The following FYB1 variants were observed in gnomAD, a reference collection of about 807,000 sequenced individuals.
The protein encoded by FYB1 is FYN binding protein 1, also known as FYN-binding protein 1.
A neutral mutation model predicts 94.1 loss-of-function variants in FYB1; 41 were observed. The observed-to-expected ratio is 0.44, with a 90% CI of 0.34 to 0.57. The LOEUF is 0.57. Among genes scored for constraint, FYB1 ranks in the 20% least tolerant of loss-of-function variants. The pLI is 0.02. For missense variants in FYB1, 1,050 were observed against 976.8 expected, an observed-to-expected ratio of 1.07 and a Z score of -1.00; for synonymous variants, 367 against 353.2, an observed-to-expected ratio of 1.04 and a Z score of -0.44.
chr5:39,229,531 A>G (rs967077458), intron 1 of FYB1, among the ~76,000 whole-genome samples: 3 of 152,170 alleles, frequency 2.0e-5, no homozygotes, highest in African/African-American at 7.2e-5. Flanking sequence ...ATCCTTTGAT[A>G]TTCACTTTTG....
In FYB1 at chr5:39,185,447, G is replaced by A. The variant is rs983606300; in HGVS notation, c.1135+16379C>T. The stretch of plus-strand genomic sequence containing the variant: ...TAAAAGTTCCCAGTCAAGATGGTAG[G>A]CTGAGCTTCATGTGGCAGCAAGCTC... On this transcript the variant is annotated intron_variant, in intron 2 of 18. Coordinates refer to ENST00000512982, the MANE Select transcript of FYB1 (RefSeq NM_001465.6). Among the ~76,000 whole-genome samples the A allele has an allele frequency of 8.0e-5, 12 of 150,912 alleles. No homozygotes were observed. In the East Asian group the frequency reaches 1.9e-3, roughly 25 times the overall value.
rs191581332 is a variant in FYB1, at chr5:39,170,935, A to G, written c.1136-17331T>C. On this transcript the variant is annotated intron_variant, in intron 2 of 18. Transcript: ENST00000512982. ...TTGTACTCCCTGCTCTCTGATCAGAACGCTCCTTTCCCCTATTATTGTATT... is the reference window on the plus strand; with the variant it reads ...TTGTACTCCCTGCTCTCTGATCAGAGCGCTCCTTTCCCCTATTATTGTATT... 2.0e-5 allele frequency among the ~76,000 whole-genome samples: 3 copies of G among 152,256 alleles called. No individual in the cohort carries two copies. The East Asian group carries it at 5.8e-4, about 29-fold the overall frequency.
chr5:39,176,137 GTTTTTTTTTTTT>G (rs70982547), intron 2 of FYB1, among the ~76,000 whole-genome samples: 1 of 61,640 alleles, frequency 1.6e-5, no homozygotes, highest in Non-Finnish European at 3.3e-5. Context: ...TTTTTTTTCT[GTTTTTTTTTTTT>G]TTTTTTTTTT....
chr5:39,270,484 G>T, intron 1 of FYB1: 1 of 1,304,694 alleles, frequency 7.7e-7, no homozygotes, highest in South Asian at 1.4e-5. Context: ...TGACTGTGAA[G>T]CACCCTCAAC....
At chr5:39,181,237 A>G (rs1746196410) in intron 2 of FYB1, among the ~76,000 whole-genome samples, 2 of 152,226 alleles carry the variant, frequency 1.3e-5, no homozygotes, top group African/African-American at 4.8e-5. Flanking sequence ...GCTGTCCAAA[A>G]GAATGTTCTG....
chr5:39,204,901 A>G (rs778855774), intron 1 of FYB1, among the ~76,000 whole-genome samples: 1 of 152,064 alleles, frequency 6.6e-6, no homozygotes, highest in Admixed American at 6.6e-5. Context: ...CTTGTTTTCT[A>G]CCTTTCCTCC....
At chr5:39,182,307 G>GCA (rs1746326668) in intron 2 of FYB1, among the ~76,000 whole-genome samples, 1 of 4,006 alleles carries the variant, frequency 2.5e-4, no homozygotes, top group African/African-American at 6.8e-4. Flanking sequence ...GTGTGTGTGT[G>GCA]TGTGTGTGTG....
chr5:39,132,307 T>A (rs546047293), intron 9 of FYB1, among the ~76,000 whole-genome samples: 2 of 152,322 alleles, frequency 1.3e-5, no homozygotes, highest in East Asian at 3.9e-4. Flanking sequence ...ACACTCAGCA[T>A]CTTCCCTTTT....
At chr5:39,159,963 C>T (rs1391091036) in intron 2 of FYB1, among the ~76,000 whole-genome samples, 2 of 152,154 alleles carry the variant, frequency 1.3e-5, no homozygotes, top group Admixed American at 1.3e-4. Context: ...TCTTCCCCCA[C>T]CCTAGATACC....
rs1361587382 is a variant in FYB1, at chr5:39,153,453, G to A, written c.1287C>T (p.Asp429=). 2 of 1,613,760 alleles carry A rather than the reference G, an allele frequency of 1.2e-6. No homozygotes were observed. Among genetic ancestry groups the A allele is most frequent in the Non-Finnish European group, 1.7e-6 (2 of 1,179,768 alleles). The change falls in exon 3 of 19, where the codon GAC becomes GAT. Residue 429 remains aspartate (D), a synonymous_variant. Coordinates refer to ENST00000512982, the MANE Select transcript of FYB1 (RefSeq NM_001465.6). ...LPPRNIKPPF[D]LKSPVNEDNQ... Reference sequence around the variant, plus strand: ...CAAGATAATCTTTTGCTTACTTTAGGTCAAACGGAGGTTTAATGTTTCTGG... The same window carrying A: ...CAAGATAATCTTTTGCTTACTTTAGATCAAACGGAGGTTTAATGTTTCTGG...
At chr5:39,178,429 A>G (rs972840767) in intron 2 of FYB1, among the ~76,000 whole-genome samples, 1 of 152,196 alleles carries the variant, frequency 6.6e-6, no homozygotes, top group Non-Finnish European at 1.5e-5. Flanking sequence ...TGTCAGGCTC[A>G]AATATCATAG....
chr5:39,171,854 G>A (rs1478615673), intron 2 of FYB1, among the ~76,000 whole-genome samples: 2 of 152,168 alleles, frequency 1.3e-5, no homozygotes, highest in Non-Finnish European at 2.9e-5. Context: ...GCTGAAGTAA[G>A]AGAACCTGGG....
rs1319092176 is a variant in FYB1, at chr5:39,157,684, C to A, written c.1136-4080G>T. Among the ~76,000 whole-genome samples, 3 of 152,296 alleles carry A rather than the reference C, an allele frequency of 2.0e-5. No homozygotes were observed. The East Asian group carries it at 5.8e-4, about 29-fold the overall frequency. On this transcript the variant is annotated intron_variant, in intron 2 of 18. Coordinates refer to ENST00000512982, the MANE Select transcript of FYB1 (RefSeq NM_001465.6). ...AATTTGAGAGCTAACACCTAAAACT[C>A]TGATCTAATTATGGACCTCATCTCC... is the stretch of plus-strand genomic sequence containing the variant.
In FYB1 at chr5:39,105,954, T is replaced by C. The variant is rs945548572; in HGVS notation, c.*1489A>G. ...CACCTAATGGAAACCCCACTTCATC[T>C]CTGTGAAGATTTTCAGTTCCTTTAC... On this transcript the variant is annotated 3_prime_UTR_variant, in exon 19 of 19. Transcript: ENST00000512982. 1.3e-5 allele frequency: 2 copies of C among 152,174 alleles called. No individual in the cohort carries two copies. Among genetic ancestry groups the C allele is most frequent in the African/African-American group, 4.8e-5 (2 of 41,452 alleles). 9.4% of individuals were successfully genotyped at this position (152,174 alleles called of 1,614,324 possible).
intron 1 of FYB1, 146 bp from the exon 2 acceptor site, chr5:39,203,133 C>A: frequency 1.5e-6 from 1 of 664,500 alleles, no homozygotes; most frequent in Non-Finnish European, 2.5e-6. Flanking sequence ...ATCTTCCTCT[C>A]TGGCAAAATA....
At chr5:39,242,268 T>C (rs1344349876) in intron 1 of FYB1, among the ~76,000 whole-genome samples, 2 of 151,554 alleles carry the variant, frequency 1.3e-5, no homozygotes, top group African/African-American at 4.9e-5. Context: ...TAGGTATATC[T>C]CCTAATGCTA....
At chr5:39,245,168 A>T (rs1391917986) in intron 1 of FYB1, among the ~76,000 whole-genome samples, 2 of 152,142 alleles carry the variant, frequency 1.3e-5, no homozygotes, top group Non-Finnish European at 2.9e-5. Flanking sequence ...TGTGTGTAGG[A>T]GGGAGTGGTA....
intron 1 of FYB1, among the ~76,000 whole-genome samples, chr5:39,229,187 G>A (rs1226551017): frequency 6.6e-6 from 1 of 152,138 alleles, no homozygotes; most frequent in East Asian, 1.9e-4. Flanking sequence ...TTAGAAGACA[G>A]GGGCTGATAC....
At chr5:39,193,609 T>G (rs188730127) in intron 2 of FYB1, among the ~76,000 whole-genome samples, 1 of 152,240 alleles carries the variant, frequency 6.6e-6, no homozygotes, top group Non-Finnish European at 1.5e-5. Flanking sequence ...GCCTGTGAAT[T>G]CTCTCTAATA....
Sources: gnomAD v4.1 joint callset for allele counts (sites outside exome capture counted in the v4.1 genomes callset) on GRCh38, gnomAD v4.1.1 for gene constraint, MANE v1.5 for transcripts, NCBI Gene and HGNC (gene_info 2026-07-23, HGNC 2026-07-21) for gene names.